Variants in KCNQ1 observed in about 807,000 individuals in gnomAD.
The protein encoded by KCNQ1 is potassium voltage-gated channel subfamily KQT member 1.
In KCNQ1, 49 loss-of-function variants were observed where a neutral mutation model predicts 72.4. The observed-to-expected ratio is 0.68, with a 90% confidence interval of 0.54 to 0.86. The LOEUF (loss-of-function observed/expected upper bound fraction) is 0.86, where lower values mean the gene tolerates loss of function less well. Among genes scored for constraint, KCNQ1 ranks in the 40% least tolerant of loss-of-function variants. The pLI is 0.00. For missense variants in KCNQ1, 790 were observed against 945.1 expected, an observed-to-expected ratio of 0.84 and a Z score of 2.15; for synonymous variants, 450 against 412.6, an observed-to-expected ratio of 1.09 and a Z score of -1.10.
chr11:2,625,150 C>T, intron 10 of KCNQ1: 2 of 398,622 alleles, frequency 5.0e-6, no homozygotes, highest in Non-Finnish European at 8.8e-6. Flanking sequence ...TGAAGGAACA[C>T]CAAACTGTTT....
chr11:2,647,942 G>A lies in KCNQ1; in HGVS notation c.1394-14019G>A, dbSNP rs1237805091. The A allele has an allele frequency of 5.0e-6, 2 of 397,744 alleles. No individual in the cohort carries two copies. Among genetic ancestry groups the A allele is most frequent in the Non-Finnish European group, 8.8e-6 (2 of 225,996 alleles). The allele number at this position is 397,744 out of a possible 1,614,324, so 24.6% of individuals were successfully genotyped here. On this transcript the variant is annotated intron_variant, in intron 10 of 15. Coordinates refer to ENST00000155840, the MANE Select transcript of KCNQ1 (RefSeq NM_000218.3). The surrounding 1 kb of genome is among the most constrained non-coding windows in gnomAD (Gnocchi z 4.0). Reference sequence around the variant, plus strand: ...AAAAATCAGTTTTTTGGCTGGGTTTGTTGGCTCACACCTGTAAACCCAGTA... The same window carrying A: ...AAAAATCAGTTTTTTGGCTGGGTTTATTGGCTCACACCTGTAAACCCAGTA...
Position 2,497,131 on chromosome 11 carries a change from C to T in KCNQ1, c.387-30797C>T, listed in dbSNP as rs1020215331. ...TTCATTTAAACCTTGGAGAATCTGA[C>T]AATTATATGTCTTGGGGTTGCTCTT... On this transcript the variant is annotated intron_variant, in intron 1 of 15. Coordinates refer to ENST00000155840, the MANE Select transcript of KCNQ1 (RefSeq NM_000218.3). This position sits in a 1 kb window ranked among gnomAD's most constrained non-coding sequence, Gnocchi z 4.5. Among the ~76,000 whole-genome samples, 1 of 152,080 alleles carries T rather than the reference C, an allele frequency of 6.6e-6. No homozygotes were observed. Among genetic ancestry groups the T allele is most frequent in the Non-Finnish European group, 1.5e-5 (1 of 68,010 alleles).
chr11:2,547,916 G>C lies in KCNQ1; in HGVS notation c.477+19898G>C, dbSNP rs1416313140. On this transcript the variant is annotated intron_variant, in intron 2 of 15. Coordinates refer to ENST00000155840, the MANE Select transcript of KCNQ1 (RefSeq NM_000218.3). This position sits in a 1 kb window ranked among gnomAD's most constrained non-coding sequence, Gnocchi z 4.2. The stretch of plus-strand genomic sequence containing the variant: ...GTGCCAAGACCCGGATGGGGCGTGT[G>C]CCTGGCGCGGGTGGAGGGAGCTGTG... 6.6e-6 allele frequency among the ~76,000 whole-genome samples: 1 copy of C among 152,234 alleles called. No homozygotes were observed. Among genetic ancestry groups the C allele is most frequent in the Non-Finnish European group, 1.5e-5 (1 of 68,048 alleles).
At chr11:2,831,851 AAG>A (rs1747754916) in intron 15 of KCNQ1, among the ~76,000 whole-genome samples, 1 of 151,494 alleles carries the variant, frequency 6.6e-6, no homozygotes, top group South Asian at 2.1e-4. Flanking sequence ...TCTGAGCCTC[AAG>A]AGTCTCACCT....
At chr11:2,500,094 A>G (rs796237882) in intron 1 of KCNQ1, among the ~76,000 whole-genome samples, 4 of 152,360 alleles carry the variant, frequency 2.6e-5, no homozygotes, top group African/African-American at 7.2e-5. Flanking sequence ...GAAGAAATTA[A>G]GAAGGAAATT....
Position 2,557,483 on chromosome 11 carries a change from T to C in KCNQ1, c.478-13145T>C, listed in dbSNP as rs575284956. Among the ~76,000 whole-genome samples the C allele has an allele frequency of 9.8e-5, 15 of 152,326 alleles. No homozygotes were observed. The South Asian group carries it at 3.1e-3, about 32-fold the overall frequency. On this transcript the variant is annotated intron_variant, in intron 2 of 15. Transcript: ENST00000155840. ...AATTTGAAATAACTCCTGTTCTTGT[T>C]ATCTATAGCCATGTAACAAACCATC...
chr11:2,447,353 G>C lies in KCNQ1; in HGVS notation c.386+1869G>C, dbSNP rs1265006171. ...AAGGGATGCTTCTGTGAAGTGGCCA[G>C]ATCTGGGGCTGGTCCTTTCCAGTTC... On this transcript the variant is annotated intron_variant, in intron 1 of 15. Transcript: ENST00000155840. This position sits in a 1 kb window ranked among gnomAD's most constrained non-coding sequence, Gnocchi z 7.6. Among the ~76,000 whole-genome samples the C allele has an allele frequency of 6.6e-6, 1 of 152,148 alleles. No individual in the cohort carries two copies. Among genetic ancestry groups the C allele is most frequent in the South Asian group, 2.1e-4 (1 of 4,830 alleles).
At chr11:2,630,687 C>T (rs1849338407) in intron 10 of KCNQ1, 3 of 398,350 alleles carry the variant, frequency 7.5e-6, no homozygotes, top group Non-Finnish European at 1.3e-5. Flanking sequence ...TTTGTACTTT[C>T]ATATGTTTTC....
chr11:2,571,878 C>T, intron 4 of KCNQ1, 135 bp from the exon 5 acceptor site: 2 of 726,398 alleles, frequency 2.8e-6, no homozygotes, highest in Non-Finnish European at 4.8e-6. Flanking sequence ...TGGACATATA[C>T]CCAGCCTCCC....
chr11:2,693,117 C>A (rs938777990), intron 11 of KCNQ1: 9 of 398,564 alleles, frequency 2.3e-5, no homozygotes, highest in Non-Finnish European at 4.0e-5. Flanking sequence ...TGCCCCAAGA[C>A]TACTTTCTGT....
At chr11:2,496,254 A>G (rs1435966822) in intron 1 of KCNQ1, among the ~76,000 whole-genome samples, 1 of 151,702 alleles carries the variant, frequency 6.6e-6, no homozygotes, top group Non-Finnish European at 1.5e-5. Flanking sequence ...GGCTAACACG[A>G]TGAAACCCCA....
rs181022014 is a variant in KCNQ1, at chr11:2,733,266, G to A, written c.1515-35578G>A. ...CTAGTGCTCCTTTGTGTGTCCAGAG[G>A]GAAGGGGCATCCTCCATCAGCACTG... On this transcript the variant is annotated intron_variant, in intron 11 of 15. Coordinates refer to ENST00000155840, the MANE Select transcript of KCNQ1 (RefSeq NM_000218.3). 2.6e-3 allele frequency among the ~76,000 whole-genome samples: 382 copies of A among 146,952 alleles called. 1 individual carries two copies. Among genetic ancestry groups the A allele is most frequent in the African/African-American group, 8.7e-3 (341 of 39,404 alleles).
intron 11 of KCNQ1, among the ~76,000 whole-genome samples, chr11:2,756,981 A>AAAAAAAAAAAAAAAAAAAAAC (rs58902386): frequency 1.7e-5 from 2 of 115,218 alleles, no homozygotes; most frequent in Non-Finnish European, 3.5e-5. Context: ...AAAAAAAAAA[A>AAAAAAAAAAAAAAAAAAAAAC]CCCACAGCTA....
chr11:2,608,537 G>A lies in KCNQ1; in HGVS notation c.1393+19683G>A, dbSNP rs1297002521. 6 of 398,450 alleles carry A rather than the reference G, an allele frequency of 1.5e-5. No homozygotes were observed. The highest frequency in any genetic ancestry group is 2.2e-5 in the Non-Finnish European group (5 of 226,076). The allele number at this position is 398,450 out of a possible 1,614,324, so 24.7% of individuals were successfully genotyped here. ...GTTGCCCAGGCTGGAATAGAGTGGT[G>A]TAATCATAGCTCACTGTAACCTCGA... On this transcript the variant is annotated intron_variant, in intron 10 of 15. Transcript: ENST00000155840. The surrounding 1 kb of genome is among the most constrained non-coding windows in gnomAD (Gnocchi z 4.6).
chr11:2,565,419 C>T lies in KCNQ1; in HGVS notation c.478-5209C>T, dbSNP rs191527703. ...TGCCTCTTGGCCATCTGTGTATCTT[C>T]TTCACAGAAATGACTGTCCAAGCCC... On this transcript the variant is annotated intron_variant, in intron 2 of 15. Transcript: ENST00000155840. This position sits in a 1 kb window ranked among gnomAD's most constrained non-coding sequence, Gnocchi z 5.6. 2.0e-5 allele frequency among the ~76,000 whole-genome samples: 3 copies of T among 152,310 alleles called. No homozygotes were observed. The highest frequency in any genetic ancestry group is 7.2e-5 in the African/African-American group (3 of 41,578).
At position 2,808,564 on chromosome 11, in the gene KCNQ1, A is replaced by C. The variant is rs1847423591; in HGVS notation, c.1794+30527A>C. On this transcript the variant is annotated intron_variant, in intron 15 of 15. Coordinates refer to ENST00000155840, the MANE Select transcript of KCNQ1 (RefSeq NM_000218.3). This position sits in a 1 kb window ranked among gnomAD's most constrained non-coding sequence, Gnocchi z 6.0. ...CACAGAGAACTATCATTAATTTTTT[A>C]AATGGGAGTCCTCAGGTAGGTTGGT... Among the ~76,000 whole-genome samples the C allele has an allele frequency of 6.6e-6, 1 of 152,178 alleles. No homozygotes were observed. Among genetic ancestry groups the C allele is most frequent in the African/African-American group, 2.4e-5 (1 of 41,452 alleles).
Position 2,471,974 on chromosome 11 carries a change from G to A in KCNQ1, c.386+26490G>A, listed in dbSNP as rs183499126. Among the ~76,000 whole-genome samples, 4 of 151,824 alleles carry A rather than the reference G, an allele frequency of 2.6e-5. No individual in the cohort carries two copies. Among genetic ancestry groups the A allele is most frequent in the African/African-American group, 4.8e-5 (2 of 41,344 alleles). On this transcript the variant is annotated intron_variant, in intron 1 of 15. Transcript: ENST00000155840. This position sits in a 1 kb window ranked among gnomAD's most constrained non-coding sequence, Gnocchi z 4.8. ...GGTGTGTGTTCATATATATGGGTGT[G>A]TGTGCACCTATGTGTATAAGTGTGT...
At chr11:2,649,717 G>GT in intron 10 of KCNQ1, 1 of 398,446 alleles carries the variant, frequency 2.5e-6, no homozygotes, top group Non-Finnish European at 4.4e-6. Flanking sequence ...CTTCTCTCTT[G>GT]TTTTTTAAAT....
rs1481988571 is a variant in KCNQ1 at position 2,537,329 on chromosome 11, C to T, written c.477+9311C>T. Among the ~76,000 whole-genome samples the T allele has an allele frequency of 6.6e-6, 1 of 152,124 alleles. No homozygotes were observed. Among genetic ancestry groups the T allele is most frequent in the Non-Finnish European group, 1.5e-5 (1 of 68,040 alleles). On this transcript the variant is annotated intron_variant, in intron 2 of 15. Transcript: ENST00000155840. This position sits in a 1 kb window ranked among gnomAD's most constrained non-coding sequence, Gnocchi z 5.2. ...GGGCCTAAGATTTCTACTACCTGAC[C>T]TTCCAGGAAAGGTTTGCCACGCTAT...
Sources: allele counts gnomAD v4.1 joint callset (sites outside exome capture counted in the v4.1 genomes callset), GRCh38; gene constraint gnomAD v4.1.1; non-coding constraint Gnocchi (gnomAD v3.1); transcripts MANE v1.5; gene names NCBI Gene and HGNC (gene_info 2026-07-23, HGNC 2026-07-21).